The following ATXN3 variants were observed in gnomAD, a reference collection of about 807,000 sequenced individuals.
The protein encoded by ATXN3 is ataxin 3.
Under a neutral mutation model 58.2 loss-of-function variants are expected in ATXN3, and 28 were observed. That is an observed-to-expected ratio of 0.48 (90% CI 0.36 to 0.66). The LOEUF (loss-of-function observed/expected upper bound fraction) is 0.66. ATXN3 is among the 30% of genes least tolerant of loss of function. The pLI is 0.00. For synonymous variants in ATXN3, 113 were observed against 138.5 expected, an observed-to-expected ratio of 0.82 and a Z score of 1.29; for missense variants, 321 against 422.1, an observed-to-expected ratio of 0.76 and a Z score of 2.10.
At chr14:92,081,691 A>C in intron 8 of ATXN3, among the ~76,000 whole-genome samples, 1 of 152,110 alleles carries the variant, frequency 6.6e-6, no homozygotes, top group African/African-American at 2.4e-5. Context: ...CAACTGATAA[A>C]TAATTTCATT....
chr14:92,074,908 A>G (rs1430614342), intron 9 of ATXN3, among the ~76,000 whole-genome samples: 1 of 152,216 alleles, frequency 6.6e-6, no homozygotes, highest in African/African-American at 2.4e-5. Context: ...CCACACCTAG[A>G]GAAGACATTA....
At position 92,088,739 on chromosome 14, in the gene ATXN3, G is replaced by T; in HGVS notation, c.466C>A (p.Gln156Lys). The T allele has an allele frequency of 6.3e-7, 1 of 1,599,894 alleles. No individual in the cohort carries two copies. Among genetic ancestry groups the T allele is most frequent in the South Asian group, 1.1e-5 (1 of 90,506 alleles). Residue 156 changes from glutamine (Q) to lysine (K), a missense_variant, in exon 6 of 11, where the codon CAA (glutamine) becomes AAA (lysine). Coordinates refer to ENST00000644486, the MANE Select transcript of ATXN3 (RefSeq NM_004993.6). ...TTCAGCCGTTACTTACCTTCCTGTT[G>T]TAATTGAGCCAAGAAAAGTGCAAGA... ...TYLALFLAQL[Q>K]QEGYSIFVVK...
Position 92,061,781 on chromosome 14 carries a change from C to T in ATXN3, c.*2539G>A, listed in dbSNP as rs1023448773. 6.6e-6 allele frequency: 1 copy of T among 152,214 alleles called. No homozygotes were observed. Among genetic ancestry groups the T allele is most frequent in the Non-Finnish European group, 1.5e-5 (1 of 68,034 alleles). The allele number at this position is 152,214 out of a possible 1,614,324, so 9.4% of individuals were successfully genotyped here. On this transcript the variant is annotated 3_prime_UTR_variant, in exon 11 of 11. Coordinates refer to ENST00000644486, the MANE Select transcript of ATXN3 (RefSeq NM_004993.6). ...ATACTATGGTTACTTGCACTGGCAT[C>T]TTTTCATACTGGCCAATCAATTAAG...
chr14:92,050,452 A>T (rs2057444160), upstream of ATXN3: 3 of 152,354 alleles, frequency 2.0e-5, no homozygotes, highest in African/African-American at 7.2e-5. Flanking sequence ...ACCCAGCACA[A>T]TCTAACACAA....
chr14:92,105,585 G>A (rs17783552), intron 1 of ATXN3, among the ~76,000 whole-genome samples: 12,689 of 152,170 alleles, frequency 0.083, 539 homozygotes, highest in African/African-American at 0.098. Context: ...TTAAATAACA[G>A]CCTTACCAGC....
At chr14:92,089,041 G>A (rs2063185672) in intron 5 of ATXN3, among the ~76,000 whole-genome samples, 1 of 147,930 alleles carries the variant, frequency 6.8e-6, no homozygotes, top group African/African-American at 2.6e-5. Context: ...TTTTTGAGAA[G>A]AGTCTCACTC....
chr14:92,065,697 T>C (rs761698296), intron 10 of ATXN3, among the ~76,000 whole-genome samples: 61 of 152,066 alleles, frequency 4.0e-4, no homozygotes, highest in African/African-American at 1.4e-3. Context: ...CTGACTAACA[T>C]AGTGAAACCC....
chr14:92,090,441 A>G (rs1476978919), intron 5 of ATXN3: 2 of 152,186 alleles, frequency 1.3e-5, no homozygotes, highest in Non-Finnish European at 2.9e-5. Flanking sequence ...CCACATAGTA[A>G]TCCTAATTTA....
At position 92,061,126 on chromosome 14, in the gene ATXN3, A is replaced by C. The variant is rs2057752575; in HGVS notation, c.*3194T>G. On this transcript the variant is annotated 3_prime_UTR_variant, in exon 11 of 11. Coordinates refer to ENST00000644486, the MANE Select transcript of ATXN3 (RefSeq NM_004993.6). ...AAATAAAATTTATTTTATTCAACTT[A>C]ATATTAAACAATATGGACTACTGGT... 1 of 152,174 alleles carries C rather than the reference A, an allele frequency of 6.6e-6. No homozygotes were observed. Among genetic ancestry groups the C allele is most frequent in the African/African-American group, 2.4e-5 (1 of 41,446 alleles). 9.4% of individuals were successfully genotyped at this position (152,174 alleles called of 1,614,324 possible).
chr14:92,070,682 A>T (rs1428283441), intron 10 of ATXN3: 18 of 950,300 alleles, frequency 1.9e-5, no homozygotes, highest in Non-Finnish European at 2.7e-5. Flanking sequence ...ATGTTCTAGC[A>T]ATCCTCTCCT....
chr14:92,064,487 A>C (rs1053691198), intron 10 of ATXN3, 73 bp from the exon 11 acceptor site: 28 of 1,095,240 alleles, frequency 2.6e-5, no homozygotes, highest in Non-Finnish European at 3.6e-5. Flanking sequence ...GCAAGTTCTC[A>C]GAAAATGTAT....
intron 1 of ATXN3, among the ~76,000 whole-genome samples, chr14:92,106,187 T>C (rs1173569732): frequency 1.3e-5 from 2 of 151,776 alleles, no homozygotes; most frequent in African/African-American, 4.8e-5. Flanking sequence ...GAGGGAAGGA[T>C]TGGGGAGGGG....
intron 6 of ATXN3, among the ~76,000 whole-genome samples, chr14:92,086,549 G>C (rs2140899367): frequency 7.3e-6 from 1 of 136,184 alleles, no homozygotes; most frequent in Non-Finnish European, 1.6e-5. Flanking sequence ...GGAGCAACAA[G>C]AGGGAAACTC....
chr14:92,099,113 A>G (rs1284689833), intron 1 of ATXN3, among the ~76,000 whole-genome samples: 1 of 152,208 alleles, frequency 6.6e-6, no homozygotes, highest in African/African-American at 2.4e-5. Context: ...AGATGAGAGA[A>G]CATTTCCTTC....
At chr14:92,078,583 G>C (rs962318854) in intron 9 of ATXN3, among the ~76,000 whole-genome samples, 2 of 150,572 alleles carry the variant, frequency 1.3e-5, no homozygotes, top group African/African-American at 2.4e-5. Context: ...GGCTGGTCTT[G>C]AACTCCTGAT....
Position 92,058,947 on chromosome 14 carries a change from A to G in ATXN3, c.*5373T>C, listed in dbSNP as rs1241425032. ...TAAAAATGTATGTTTTCCTCTTTCA[A>G]AAAAAAAAAAAGCATTAAAAAAATT... On this transcript the variant is annotated 3_prime_UTR_variant, in exon 11 of 11. Coordinates refer to ENST00000644486, the MANE Select transcript of ATXN3 (RefSeq NM_004993.6). 2 of 138,966 alleles carry G rather than the reference A, an allele frequency of 1.4e-5. No homozygotes were observed. The highest frequency in any genetic ancestry group is 3.1e-5 in the Non-Finnish European group (2 of 64,932). 8.6% of individuals were successfully genotyped at this position (138,966 alleles called of 1,614,324 possible). A position where few individuals can be genotyped will look rare whatever the true frequency, so the allele number is the denominator to read the frequency against.
rs565783047 is a variant in ATXN3, at chr14:92,097,116, A to G, written c.25-278T>C. 3.1e-3 allele frequency among the ~76,000 whole-genome samples: 466 copies of G among 151,928 alleles called. 1 individual carries two copies. The highest frequency in any genetic ancestry group is 9.1e-3 in the African/African-American group (375 of 41,418). On this transcript the variant is annotated intron_variant, in intron 1 of 10. Coordinates refer to ENST00000644486, the MANE Select transcript of ATXN3 (RefSeq NM_004993.6). The stretch of plus-strand genomic sequence containing the variant: ...TAGAGACGGGGTTTCATCCTGTGTT[A>G]GCCAGGATGGTCTTGATCTCCTGAC...
At chr14:92,099,274 T>C (rs1566983963) in intron 1 of ATXN3, among the ~76,000 whole-genome samples, 1 of 152,208 alleles carries the variant, frequency 6.6e-6, no homozygotes, top group Non-Finnish European at 1.5e-5. Flanking sequence ...TTTTTCCTGA[T>C]GAATCAATTT....
upstream of ATXN3, among the ~76,000 whole-genome samples, chr14:92,051,705 C>T (rs368552658): frequency 9.2e-3 from 277 of 30,230 alleles, no homozygotes; most frequent in Middle Eastern, 0.05. Flanking sequence ...TTTTTCTTTT[C>T]TTCTTTTCCT....
Sources: gnomAD v4.1 joint callset for allele counts (sites outside exome capture counted in the v4.1 genomes callset) on GRCh38, gnomAD v4.1.1 for gene constraint, MANE v1.5 for transcripts, NCBI Gene and HGNC (gene_info 2026-07-23, HGNC 2026-07-21) for gene names.